Variants in CELF2 observed in about 807,000 individuals in gnomAD.
The protein encoded by CELF2 is CUGBP Elav-like family member 2.
A neutral mutation model predicts 62.6 loss-of-function variants in CELF2; 8 were observed. The observed-to-expected ratio is 0.13, with a 90% CI of 0.07 to 0.23. The LOEUF (loss-of-function observed/expected upper bound fraction) is 0.23. Among genes scored for constraint, CELF2 ranks in the 10% least tolerant of loss-of-function variants. The pLI is 1.00. For missense variants in CELF2, 333 were observed against 671.0 expected (o/e 0.50, Z 5.56); for synonymous variants, 258 against 250.0 (o/e 1.03, Z -0.30).
chr10:10,548,277 T>A, the CELF2 span, among the ~76,000 whole-genome samples: 1 of 152,252 alleles, frequency 6.6e-6, no homozygotes, highest in Non-Finnish European at 1.5e-5. Context: ...AATTTATAAT[T>A]ACTATAGCAA....
chr10:10,921,881 G>A (rs757994161), intron 2 of CELF2, among the ~76,000 whole-genome samples: 19 of 152,266 alleles, frequency 1.2e-4, no homozygotes, highest in South Asian at 2.1e-4. Flanking sequence ...GAAGGTACTC[G>A]ATAATCATGC....
the CELF2 span, among the ~76,000 whole-genome samples, chr10:10,558,056 A>G: frequency 6.8e-6 from 1 of 148,026 alleles, no homozygotes; most frequent in African/African-American, 2.5e-5. Flanking sequence ...CCCTGGCCAG[A>G]ACTTCCAACA....
At chr10:11,170,180 G>A (rs576731270) in intron 2 of CELF2, among the ~76,000 whole-genome samples, 2 of 152,350 alleles carry the variant, frequency 1.3e-5, no homozygotes, top group South Asian at 4.1e-4. Context: ...GATTGTCAAA[G>A]TGTAAGGTAG....
At chr10:10,868,226 C>A (rs2060506339) in intron 1 of CELF2, among the ~76,000 whole-genome samples, 1 of 152,176 alleles carries the variant, frequency 6.6e-6, no homozygotes, top group Admixed American at 6.5e-5. Context: ...ACTGGGCTCT[C>A]TTGAGCACTT....
rs183927283 is a variant in CELF2 at position 11,149,515 on chromosome 10, T to C, written c.75-15971T>C. Reference sequence around the variant, plus strand: ...ACGAATCTTTTCTATAAAGTAAATATGAGCCCCGTGGCCAGAGGAGGTGGG... The same window carrying C: ...ACGAATCTTTTCTATAAAGTAAATACGAGCCCCGTGGCCAGAGGAGGTGGG... On this transcript the variant is annotated intron_variant, in intron 1 of 12. Coordinates refer to ENST00000633077, the MANE Select transcript of CELF2 (RefSeq NM_001326342.2). Among the ~76,000 whole-genome samples, 552 of 152,280 alleles carry C rather than the reference T, an allele frequency of 3.6e-3. 2 individuals are homozygous for C. Among genetic ancestry groups the C allele is most frequent in the African/African-American group, 0.013 (530 of 41,552 alleles).
At chr10:10,638,866 A>G in the CELF2 span, among the ~76,000 whole-genome samples, 6 of 152,176 alleles carry the variant, frequency 3.9e-5, no homozygotes, top group Admixed American at 6.5e-5. Context: ...TTTCCTACCA[A>G]ACTTTTCCAC....
At chr10:11,168,438 G>A (rs2067869836) in intron 2 of CELF2, among the ~76,000 whole-genome samples, 1 of 152,200 alleles carries the variant, frequency 6.6e-6, no homozygotes, top group Admixed American at 6.5e-5. Context: ...TACCTAGAGA[G>A]AGCAACAGCC....
chr10:10,638,235 TC>T, the CELF2 span, among the ~76,000 whole-genome samples: 1 of 152,172 alleles, frequency 6.6e-6, no homozygotes, highest in Non-Finnish European at 1.5e-5. Flanking sequence ...AATTCATGGG[TC>T]CTTTTGGTTT....
chr10:10,772,084 C>G, the CELF2 span, among the ~76,000 whole-genome samples: 2 of 150,970 alleles, frequency 1.3e-5, no homozygotes, highest in African/African-American at 4.9e-5. Flanking sequence ...GCCTATTGTA[C>G]AGAAAGACCA....
the CELF2 span, among the ~76,000 whole-genome samples, chr10:10,663,950 A>G: frequency 6.6e-6 from 1 of 152,216 alleles, no homozygotes; most frequent in African/African-American, 2.4e-5. Context: ...ATTGACTTTG[A>G]AAACAGATTT....
rs142327534 is a variant in CELF2 at position 11,075,516 on chromosome 10, G to C, written c.74+57353G>C. ...TTCCCAAAACCGGTATGTTGAAGGTGTTTTATTCTATCTGCAAAGAGCTCT... is the reference window on the plus strand; with the variant it reads ...TTCCCAAAACCGGTATGTTGAAGGTCTTTTATTCTATCTGCAAAGAGCTCT... On this transcript the variant is annotated intron_variant, in intron 1 of 12. Transcript: ENST00000633077. The surrounding 1 kb of genome is among the most constrained non-coding windows in gnomAD (Gnocchi z 5.4). 1.6e-3 allele frequency among the ~76,000 whole-genome samples: 250 copies of C among 152,216 alleles called. 2 individuals carry two copies. Among genetic ancestry groups the C allele is most frequent in the African/African-American group, 5.8e-3 (240 of 41,540 alleles).
chr10:11,031,975 C>T (rs972439849), intron 1 of CELF2, among the ~76,000 whole-genome samples: 2 of 152,040 alleles, frequency 1.3e-5, no homozygotes, highest in Non-Finnish European at 1.5e-5. Flanking sequence ...CACCTCCTCA[C>T]ACAAGTCCTC....
At chr10:10,645,484 C>G in the CELF2 span, among the ~76,000 whole-genome samples, 2 of 152,048 alleles carry the variant, frequency 1.3e-5, no homozygotes, top group African/African-American at 4.8e-5. Context: ...AAGACCTAGT[C>G]TCTACCAAAA....
At chr10:10,743,502 T>C in the CELF2 span, among the ~76,000 whole-genome samples, 2 of 152,238 alleles carry the variant, frequency 1.3e-5, no homozygotes, top group Non-Finnish European at 2.9e-5. Flanking sequence ...GATGAGAAGA[T>C]ACCATTGGCC....
At chr10:10,935,202 T>C (rs527296242) in intron 2 of CELF2, 1 of 152,332 alleles carries the variant, frequency 6.6e-6, no homozygotes, top group Admixed American at 6.5e-5. Flanking sequence ...TATTTTGTCA[T>C]GTCTGGGGTT....
the CELF2 span, among the ~76,000 whole-genome samples, chr10:10,748,299 C>T: frequency 1.3e-5 from 2 of 152,280 alleles, no homozygotes; most frequent in East Asian, 1.9e-4. Flanking sequence ...CTGACTGGAT[C>T]GTTGCACGGT....
At chr10:10,530,597 C>T in the CELF2 span, among the ~76,000 whole-genome samples, 1 of 152,188 alleles carries the variant, frequency 6.6e-6, no homozygotes. Context: ...CAAATATACA[C>T]ATACAATCCA....
intron 1 of CELF2, among the ~76,000 whole-genome samples, chr10:10,919,495 C>T (rs1401808808): frequency 1.3e-5 from 2 of 152,108 alleles, no homozygotes; most frequent in Non-Finnish European, 2.9e-5. Context: ...AAAAGAATTC[C>T]ATTTTGTGCT....
chr10:11,332,214 T>TA lies in CELF2; in HGVS notation c.*3162dup, dbSNP rs2096039594. On this transcript the variant is annotated 3_prime_UTR_variant, in exon 13 of 13. Coordinates refer to ENST00000633077, the MANE Select transcript of CELF2 (RefSeq NM_001326342.2). ...TCCTGTATGCTTTTGAGATCACGTT[T>TA]AGTGCTATGTCCTAGTCTAGAATAT... The TA allele has an allele frequency of 6.6e-6, 1 of 152,228 alleles. No individual in the cohort carries two copies. Among genetic ancestry groups the TA allele is most frequent in the African/African-American group, 2.4e-5 (1 of 41,456 alleles). The allele number at this position is 152,228 out of a possible 1,614,324, so 9.4% of individuals were successfully genotyped here.
Sources: allele counts gnomAD v4.1 joint callset (sites outside exome capture counted in the v4.1 genomes callset), GRCh38; gene constraint gnomAD v4.1.1; non-coding constraint Gnocchi (gnomAD v3.1); transcripts MANE v1.5; gene names NCBI Gene and HGNC (gene_info 2026-07-23, HGNC 2026-07-21).